The following CSMD3 variants were observed in gnomAD, a reference collection of about 807,000 sequenced individuals.
CSMD3 encodes the protein CUB and Sushi multiple domains 3, also known as CUB and sushi domain-containing protein 3.
Under a neutral mutation model 435.2 loss-of-function variants are expected in CSMD3, and 177 were observed. That is an observed-to-expected ratio of 0.41 (90% CI 0.36 to 0.46). CSMD3 has a LOEUF of 0.46. Ranked by LOEUF, CSMD3 falls within the 20% of genes least tolerant of loss-of-function variation. The probability of loss-of-function intolerance (pLI) is 0.34; values close to 1 mark genes in which losing one functional copy is unlikely to be tolerated. For missense variants in CSMD3, 4,265 were observed against 4,504.6 expected (o/e 0.95, Z 1.52); for synonymous variants, 1,656 against 1,520.5 (o/e 1.09, Z -2.07).
intron 1 of CSMD3, among the ~76,000 whole-genome samples, chr8:113,408,575 A>G (rs933880551): frequency 5.3e-5 from 8 of 152,126 alleles, no homozygotes; most frequent in Non-Finnish European, 5.9e-5. Flanking sequence ...AAAGGTATTG[A>G]CTAAGATATA....
At chr8:112,315,666 T>G (rs1219348680) in intron 47 of CSMD3, among the ~76,000 whole-genome samples, 2 of 151,830 alleles carry the variant, frequency 1.3e-5, no homozygotes, top group African/African-American at 4.8e-5. Context: ...CTAACCAGTT[T>G]TAAACTTAGA....
intron 32 of CSMD3, among the ~76,000 whole-genome samples, chr8:112,468,302 G>T (rs1586424903): frequency 8.6e-6 from 1 of 115,932 alleles, no homozygotes. Context: ...TCTCTACTGT[G>T]TCTTTCTCTT....
rs934527320 is a variant in CSMD3 at position 112,343,094 on chromosome 8, A to G, written c.6443-1408T>C. Among the ~76,000 whole-genome samples, 12 of 148,218 alleles carry G rather than the reference A, an allele frequency of 8.1e-5. No individual in the cohort carries two copies. In the Admixed American group the frequency reaches 8.2e-4, roughly 10 times the overall value. On this transcript the variant is annotated intron_variant, in intron 41 of 70. Transcript: ENST00000297405. ...AAAACTCAAAGAAAAGAGTATGGTT[A>G]TTAAAATGTAATCAAGTATCTAAAT...
At chr8:112,230,356 G>A (rs1355476923) in intron 69 of CSMD3, among the ~76,000 whole-genome samples, 1 of 152,148 alleles carries the variant, frequency 6.6e-6, no homozygotes, top group Non-Finnish European at 1.5e-5. Context: ...TGTAGAGAAA[G>A]CTAATTTCTC....
chr8:113,113,803 T>C (rs189961340), intron 4 of CSMD3, among the ~76,000 whole-genome samples: 5 of 152,286 alleles, frequency 3.3e-5, no homozygotes, highest in African/African-American at 1.2e-4. Flanking sequence ...CAAACTAAAA[T>C]TCATGAAATC....
chr8:112,762,210 G>A (rs1443870772), intron 13 of CSMD3, among the ~76,000 whole-genome samples: 1 of 151,850 alleles, frequency 6.6e-6, no homozygotes, highest in Non-Finnish European at 1.5e-5. Flanking sequence ...TTATGAGAAC[G>A]AGGCAGCAGA....
chr8:112,938,874 T>C (rs548501499), intron 9 of CSMD3, among the ~76,000 whole-genome samples: 214 of 152,236 alleles, frequency 1.4e-3, no homozygotes, highest in African/African-American at 4.7e-3. Flanking sequence ...ACAAGGCCTG[T>C]CTTTATTACT....
chr8:113,125,104 T>TA (rs1425864000), intron 4 of CSMD3, among the ~76,000 whole-genome samples: 1 of 151,966 alleles, frequency 6.6e-6, no homozygotes, highest in Non-Finnish European at 1.5e-5. Context: ...TTCTGCTAGA[T>TA]AAAGTTCTCA....
intron 27 of CSMD3, among the ~76,000 whole-genome samples, chr8:112,521,754 G>A (rs1175041357): frequency 6.6e-6 from 1 of 151,678 alleles, no homozygotes; most frequent in East Asian, 1.9e-4. Context: ...TATCTGGTAG[G>A]TTCCTTAACT....
chr8:112,381,571 C>T (rs764568818), intron 37 of CSMD3, among the ~76,000 whole-genome samples: 59 of 152,244 alleles, frequency 3.9e-4, no homozygotes, highest in Admixed American at 1.8e-3. Flanking sequence ...ATTTGCTTTG[C>T]GCAACTTTGT....
intron 22 of CSMD3, among the ~76,000 whole-genome samples, chr8:112,590,276 T>C (rs1008602592): frequency 2.0e-5 from 3 of 152,114 alleles, no homozygotes; most frequent in African/African-American, 7.2e-5. Context: ...ATATAGTATG[T>C]GAAAGCATAT....
In CSMD3 at chr8:112,336,684, T is replaced by G; in HGVS notation, c.6987A>C (p.Gln2329His). ...TAATGAAATCATATATTGGTTCTGT[T>G]TGAAGGACAGTAAAATTGATGTAGA... ...NGIYINFTVLQTEPIYDFITV... is the reference protein window; with the variant it reads ...NGIYINFTVLHTEPIYDFITV... The change falls in exon 44 of 71, where the codon CAA becomes CAC. Residue 2329 changes from glutamine to histidine, a missense_variant. Physicochemically the swap from Gln to His is conservative, Grantham distance 24. This residue lies in a region of CSMD3 where 3,255 missense variants were observed against 3,380.2 expected (regional missense o/e 0.96). Transcript: ENST00000297405. 6.2e-7 allele frequency: 1 copy of G among 1,612,716 alleles called. No individual in the cohort carries two copies. The highest frequency in any genetic ancestry group is 1.1e-5 in the South Asian group (1 of 91,040).
chr8:113,015,560 A>C (rs2086423760), intron 6 of CSMD3, among the ~76,000 whole-genome samples: 1 of 151,886 alleles, frequency 6.6e-6, no homozygotes, highest in African/African-American at 2.4e-5. Context: ...GCAATGCCTA[A>C]ACTTACATGA....
At chr8:113,000,644 T>C (rs2085827788) in intron 6 of CSMD3, among the ~76,000 whole-genome samples, 1 of 152,048 alleles carries the variant, frequency 6.6e-6, no homozygotes, top group Non-Finnish European at 1.5e-5. Flanking sequence ...ACTCTTCTAG[T>C]TTTCAATCTA....
intron 3 of CSMD3, among the ~76,000 whole-genome samples, chr8:113,259,472 T>C (rs2132346177): frequency 6.6e-6 from 1 of 152,150 alleles, no homozygotes; most frequent in Non-Finnish European, 1.5e-5. Flanking sequence ...GACTCTGAGG[T>C]TTTCTATGTT....
At chr8:112,449,179 T>C (rs1450718142) in intron 32 of CSMD3, among the ~76,000 whole-genome samples, 1 of 152,212 alleles carries the variant, frequency 6.6e-6, no homozygotes, top group African/African-American at 2.4e-5. Flanking sequence ...CCCCATTCAC[T>C]AGCTTTAGAA....
chr8:112,256,504 T>C (rs1815816024), intron 61 of CSMD3, among the ~76,000 whole-genome samples: 1 of 152,140 alleles, frequency 6.6e-6, no homozygotes, highest in Admixed American at 6.6e-5. Context: ...CAAAGCCTTC[T>C]GCTGGGGCAT....
intron 5 of CSMD3, among the ~76,000 whole-genome samples, chr8:113,075,389 CTTATAAT>C (rs1448395699): frequency 1.3e-5 from 2 of 151,798 alleles, no homozygotes; most frequent in African/African-American, 2.4e-5. Flanking sequence ...ATTCTCTCCT[CTTATAAT>C]TTATAACTAT....
intron 3 of CSMD3, among the ~76,000 whole-genome samples, chr8:113,224,409 T>C (rs1192758271): frequency 6.6e-6 from 1 of 151,290 alleles, no homozygotes; most frequent in Non-Finnish European, 1.5e-5. Context: ...AATGGAATTA[T>C]ATAATGAATT....
Sources: allele counts gnomAD v4.1 joint callset (sites outside exome capture counted in the v4.1 genomes callset), GRCh38; gene constraint gnomAD v4.1.1; regional missense constraint gnomAD v4.1.1; transcripts MANE v1.5; gene names NCBI Gene and HGNC (gene_info 2026-07-23, HGNC 2026-07-21).